Variants in WDR5 observed in about 807,000 individuals in gnomAD.
The protein encoded by WDR5 is WD repeat domain 5.
For missense variants in WDR5, 187 were observed against 416.9 expected, an observed-to-expected ratio of 0.45 and a Z score of 4.80; for synonymous variants, 144 against 161.6, an observed-to-expected ratio of 0.89 and a Z score of 0.83.
chr9:134,156,605 C>T lies in WDR5; in HGVS notation c.904+12C>T, dbSNP rs772774326. The stretch of plus-strand genomic sequence containing the variant: ...ACAAGGCCACACAGGTGAGGGCCTG[C>T]GCTCCTGCAGTCACTGGCTGCCTGT... On this transcript the variant is annotated intron_variant, in intron 13 of 13. Transcript: ENST00000358625. 3.7e-5 allele frequency: 60 copies of T among 1,613,456 alleles called. No homozygotes were observed. In the African/African-American group the frequency reaches 4.4e-4, roughly 12 times the overall value.
Position 134,157,923 on chromosome 9 carries a change from C to A in WDR5, c.935C>A (p.Thr312Lys). Residue 312 changes from threonine to lysine, a missense_variant, in exon 14 of 14, where the codon ACA becomes AAA. Coordinates refer to ENST00000358625, the MANE Select transcript of WDR5 (RefSeq NM_017588.3). The surrounding 1 kb of genome is among the most constrained non-coding windows in gnomAD (Gnocchi z 5.0). Reference protein sequence around the residue: ...DVVISTACHPTENIIASAALE... With the variant: ...DVVISTACHPKENIIASAALE... The stretch of plus-strand genomic sequence containing the variant: ...GTGATCTCAACAGCTTGTCACCCAA[C>A]AGAAAACATCATCGCCTCTGCTGCG... 1 of 1,614,202 alleles carries A rather than the reference C, an allele frequency of 6.2e-7. No individual in the cohort carries two copies. Among genetic ancestry groups the A allele is most frequent in the Non-Finnish European group, 8.5e-7 (1 of 1,180,018 alleles).
chr9:134,148,388 A>G, intron 8 of WDR5, 45 bp downstream of exon 8: 1 of 1,546,908 alleles, frequency 6.5e-7, no homozygotes, highest in Non-Finnish European at 8.9e-7. Context: ...GTGCTTAACT[A>G]AGGGCCAGCT....
intron 7 of WDR5, 34 bp from the exon 8 acceptor site, chr9:134,148,254 G>A: frequency 7.9e-7 from 1 of 1,260,300 alleles, no homozygotes; most frequent in Non-Finnish European, 1.1e-6. Flanking sequence ...TTGAAAGTAA[G>A]TTTTTGTCTC....
intron 3 of WDR5, 133 bp from the exon 4 acceptor site, chr9:134,141,377 C>T: frequency 1.3e-6 from 1 of 780,334 alleles, no homozygotes; most frequent in Non-Finnish European, 2.2e-6. Context: ...TGTGGCCGTG[C>T]TGAATGGGTT....
rs1175254863 is a variant in WDR5, at chr9:134,136,121, C to T, written c.-138C>T. ...GCGCCCGCCCGAGCTGCCGCCTTGT[C>T]GAGCTGAGTCCGCGCTCCCGCCCAG... On this transcript the variant is annotated 5_prime_UTR_variant, in exon 1 of 14. Transcript: ENST00000358625. 1 of 147,720 alleles carries T rather than the reference C, an allele frequency of 6.8e-6. No individual in the cohort carries two copies. Among genetic ancestry groups the T allele is most frequent in the South Asian group, 2.1e-4 (1 of 4,672 alleles). The allele number at this position is 147,720 out of a possible 1,614,324, so 9.2% of individuals were successfully genotyped here. A position where few individuals can be genotyped will look rare whatever the true frequency, so the allele number is the denominator to read the frequency against.
rs562793607 is a variant in WDR5 at position 134,150,053 on chromosome 9, A to C, written c.584+1710A>C. Among the ~76,000 whole-genome samples the C allele has an allele frequency of 1.7e-3, 265 of 152,332 alleles. 1 individual carries two copies. The Middle Eastern group carries it at 0.024, about 14-fold the overall frequency. On this transcript the variant is annotated intron_variant, in intron 8 of 13. Coordinates refer to ENST00000358625, the MANE Select transcript of WDR5 (RefSeq NM_017588.3). The stretch of plus-strand genomic sequence containing the variant: ...CTTTGAAGCTTATCCCAACGATTCG[A>C]GACCACAGGCGGGAGGGAGCTCCCT...
intron 3 of WDR5, among the ~76,000 whole-genome samples, chr9:134,141,304 GA>G (rs1332969307): frequency 2.0e-5 from 3 of 152,030 alleles, no homozygotes; most frequent in African/African-American, 7.2e-5. Flanking sequence ...AAAAGAAGAA[GA>G]AAGAAAAGAA....
intron 9 of WDR5, among the ~76,000 whole-genome samples, chr9:134,154,191 G>A (rs1409451134): frequency 6.6e-6 from 1 of 152,202 alleles, no homozygotes. Flanking sequence ...TCCTGAGAGT[G>A]CCCATGGCCT....
At chr9:134,154,387 G>A in intron 9 of WDR5, 79 bp from the exon 10 acceptor site, 2 of 1,441,154 alleles carry the variant, frequency 1.4e-6, no homozygotes, top group Non-Finnish European at 1.9e-6. Context: ...GCACGTGGGG[G>A]ATGGGGAGCG....
chr9:134,157,741 C>T lies in WDR5; in HGVS notation c.905-152C>T, dbSNP rs549883167. 186 of 642,830 alleles carry T rather than the reference C, an allele frequency of 2.9e-4. No homozygotes were observed. In the African/African-American group the frequency reaches 3.1e-3, roughly 11 times the overall value. The allele number at this position is 642,830 out of a possible 1,614,324, so 39.8% of individuals were successfully genotyped here. On this transcript the variant is annotated intron_variant, in intron 13 of 13. Coordinates refer to ENST00000358625, the MANE Select transcript of WDR5 (RefSeq NM_017588.3). This position sits in a 1 kb window ranked among gnomAD's most constrained non-coding sequence, Gnocchi z 5.0. ...CTCCCCTCCCCTGGGCTCCCTGTGT[C>T]GAAGGTGGGCAGTGGGTGCTTGTCC...
intron 7 of WDR5, among the ~76,000 whole-genome samples, chr9:134,143,198 C>G (rs1315704877): frequency 6.6e-6 from 1 of 152,234 alleles, no homozygotes; most frequent in Admixed American, 6.5e-5. Flanking sequence ...GAGAGCGGGC[C>G]TTGCACAGGG....
At chr9:134,145,104 T>TTTTTTG (rs1832117024) in intron 7 of WDR5, among the ~76,000 whole-genome samples, 1 of 121,324 alleles carries the variant, frequency 8.2e-6, no homozygotes, top group Admixed American at 7.9e-5. Context: ...TTGTTTTTTT[T>TTTTTTG]TTTTTTTTTT....
chr9:134,156,488 C>G lies in WDR5; in HGVS notation c.817-18C>G. 2 of 1,613,418 alleles carry G rather than the reference C, an allele frequency of 1.2e-6. No homozygotes were observed. Among genetic ancestry groups the G allele is most frequent in the Non-Finnish European group, 8.5e-7 (1 of 1,179,330 alleles). ...CCTGCTTTTCCTTGCCCTGTTTTCC[C>G]TGCTTGTTGTTACGTAGTGGATTGT... On this transcript the variant is annotated intron_variant, in intron 12 of 13. Transcript: ENST00000358625.
chr9:134,155,261 C>A, intron 10 of WDR5, 79 bp from the exon 11 acceptor site: 1 of 1,453,750 alleles, frequency 6.9e-7, no homozygotes, highest in Non-Finnish European at 9.1e-7. Flanking sequence ...GTGGCTGTGA[C>A]GTAGTGGCTG....
At chr9:134,146,544 C>T (rs906386115) in intron 7 of WDR5, among the ~76,000 whole-genome samples, 1 of 152,196 alleles carries the variant, frequency 6.6e-6, no homozygotes, top group African/African-American at 2.4e-5. Flanking sequence ...CCTCCCTTAT[C>T]TACCTCCTCG....
chr9:134,142,498 A>G, intron 6 of WDR5, 76 bp downstream of exon 6: 1 of 1,578,656 alleles, frequency 6.3e-7, no homozygotes, highest in Non-Finnish European at 8.7e-7. Context: ...GCTTGTAGCC[A>G]CTGTGGAGAA....
chr9:134,155,467 A>G, intron 11 of WDR5, 94 bp downstream of exon 11: 1 of 1,481,732 alleles, frequency 6.7e-7, no homozygotes, highest in Non-Finnish European at 9.1e-7. Context: ...GACAAAGGAG[A>G]GGAGCTCAGA....
At chr9:134,144,651 A>G (rs1268564360) in intron 7 of WDR5, among the ~76,000 whole-genome samples, 1 of 152,104 alleles carries the variant, frequency 6.6e-6, no homozygotes, top group African/African-American at 2.4e-5. Context: ...ACCATCCTGG[A>G]CAACATAGTG....
At chr9:134,139,620 C>G (rs34417824) in intron 1 of WDR5, among the ~76,000 whole-genome samples, 200 bp from the exon 2 acceptor site, 2 of 151,896 alleles carry the variant, frequency 1.3e-5, no homozygotes, top group East Asian at 3.9e-4. Context: ...AAGGGGAGAG[C>G]GCAGGGGTGT....
Sources: gnomAD v4.1 joint callset for allele counts (sites outside exome capture counted in the v4.1 genomes callset) on GRCh38, gnomAD v4.1.1 for gene constraint, Gnocchi (gnomAD v3.1) non-coding constraint, MANE v1.5 for transcripts, NCBI Gene and HGNC (gene_info 2026-07-23, HGNC 2026-07-21) for gene names.